The following DOCK8 variants were observed in gnomAD, a reference collection of about 807,000 sequenced individuals.
DOCK8 encodes dedicator of cytokinesis protein 8.
A neutral mutation model predicts 245.6 loss-of-function variants in DOCK8; 141 were observed. The observed-to-expected ratio is 0.57, with a 90% confidence interval of 0.50 to 0.66. The LOEUF is 0.66. Among genes scored for constraint, DOCK8 ranks in the 30% least tolerant of loss-of-function variants. The pLI, the probability that DOCK8 is intolerant of heterozygous loss-of-function variation, is 0.00. For missense variants in DOCK8, 2,965 were observed against 2,603.4 expected, an observed-to-expected ratio of 1.14 and a Z score of -3.02; for synonymous variants, 1,168 against 970.2, an observed-to-expected ratio of 1.20 and a Z score of -3.79.
At chr9:310,022 CT>C (rs1484807667) in intron 5 of DOCK8, among the ~76,000 whole-genome samples, 1 of 152,044 alleles carries the variant, frequency 6.6e-6, no homozygotes, top group African/African-American at 2.4e-5. Context: ...AATCCCAGCA[CT>C]TTGGGAGGCC....
chr9:420,396 T>A lies in DOCK8; in HGVS notation c.3841-5T>A. ...GCCTCCATCCCCCAATCTGCCTCCC[T>A]TCAGCCCTATAAGCAGTACAACATG... On this transcript the variant is annotated splice_polypyrimidine_tract_variant and splice_region_variant and intron_variant, in intron 30 of 47. Transcript: ENST00000432829. The A allele has an allele frequency of 6.2e-7, 1 of 1,614,110 alleles. No homozygotes were observed. Among genetic ancestry groups the A allele is most frequent in the South Asian group, 1.1e-5 (1 of 91,078 alleles).
Position 418,128 on chromosome 9 carries a change from C to T in DOCK8, c.3761C>T (p.Ala1254Val), listed in dbSNP as rs1353188001. 7 of 1,614,044 alleles carry T rather than the reference C, an allele frequency of 4.3e-6. No homozygotes were observed. The highest frequency in any genetic ancestry group is 4.0e-5 in the African/African-American group (3 of 74,912). The change falls in exon 30 of 48, where the codon GCC (alanine) becomes GTC (valine). Residue 1254 changes from alanine (A) to valine (V), a missense_variant. Around this residue, in one of 3 missense-constraint regions of DOCK8, gnomAD observed 2,825 missense variants for 2,453.5 expected, o/e 1.15. Coordinates refer to ENST00000432829, the MANE Select transcript of DOCK8 (RefSeq NM_203447.4). ...GSDEEQEGAG[A>V]INQNVALAIA... is the part of the protein sequence containing the mutation. Reference sequence around the variant, plus strand: ...GATGAAGAACAAGAAGGAGCCGGTGCCATTAACCAGAATGTGGCTCTGGCC... The same window carrying T: ...GATGAAGAACAAGAAGGAGCCGGTGTCATTAACCAGAATGTGGCTCTGGCC...
At chr9:408,890 A>G (rs62531898) in intron 28 of DOCK8, among the ~76,000 whole-genome samples, 16 of 124,056 alleles carry the variant, frequency 1.3e-4, no homozygotes, top group East Asian at 2.8e-4. Flanking sequence ...ACACACACGC[A>G]CACACGCGCG....
At chr9:449,725 C>T (rs2057370977) in intron 44 of DOCK8, 59 bp from the exon 45 acceptor site, 1 of 1,610,596 alleles carries the variant, frequency 6.2e-7, no homozygotes, top group Non-Finnish European at 8.5e-7. Context: ...TAGCTCCAGG[C>T]TTGTCCATAG....
chr9:376,850 A>G, intron 19 of DOCK8, 127 bp from the exon 20 acceptor site: 1 of 840,830 alleles, frequency 1.2e-6, no homozygotes, highest in South Asian at 1.4e-5. Context: ...ATCATGTCTT[A>G]GACCTTCTGG....
chr9:362,290 A>G (rs748696990), intron 14 of DOCK8, among the ~76,000 whole-genome samples: 10 of 152,156 alleles, frequency 6.6e-5, no homozygotes, highest in Non-Finnish European at 1.2e-4. Context: ...TAACCAGGCT[A>G]TTTTCACAGA....
chr9:255,668 C>CAAA (rs71317282), intron 1 of DOCK8, among the ~76,000 whole-genome samples: 15 of 23,314 alleles, frequency 6.4e-4, no homozygotes, highest in African/African-American at 9.6e-4. Context: ...ACTCCATCTC[C>CAAA]AAAAAAAAAA....
intron 14 of DOCK8, among the ~76,000 whole-genome samples, chr9:363,746 G>C (rs1313622620): frequency 6.6e-6 from 1 of 152,090 alleles, no homozygotes; most frequent in Non-Finnish European, 1.5e-5. Context: ...GCAGTGTGGG[G>C]CAGGACACTG....
intron 46 of DOCK8, chr9:459,972 A>T (rs1216177859): frequency 6.6e-6 from 1 of 152,176 alleles, no homozygotes; most frequent in Non-Finnish European, 1.5e-5. Flanking sequence ...GTCACAAAGA[A>T]CCATCCACCT....
intron 4 of DOCK8, among the ~76,000 whole-genome samples, chr9:294,254 C>G (rs7047536): frequency 0.026 from 3,994 of 152,258 alleles, 164 homozygotes; most frequent in African/African-American, 0.09. Context: ...CTGAAACAAA[C>G]ATATCTGCAC....
intron 19 of DOCK8, among the ~76,000 whole-genome samples, chr9:376,706 C>T (rs1424459429): frequency 6.6e-6 from 1 of 152,228 alleles, no homozygotes; most frequent in Non-Finnish European, 1.5e-5. Context: ...TGGCAGTATG[C>T]TTACCTGGTA....
At chr9:460,385 C>G (rs1287466013) in intron 46 of DOCK8, 1 of 152,216 alleles carries the variant, frequency 6.6e-6, no homozygotes, top group Non-Finnish European at 1.5e-5. Flanking sequence ...TTTGGCAGGA[C>G]TCATCCCACC....
intron 27 of DOCK8, among the ~76,000 whole-genome samples, chr9:406,241 C>G (rs2055410248): frequency 1.3e-5 from 2 of 152,050 alleles, no homozygotes; most frequent in African/African-American, 4.8e-5. Flanking sequence ...CATTTGTAAT[C>G]CCAGCATCTT....
intron 6 of DOCK8, among the ~76,000 whole-genome samples, chr9:316,746 T>C (rs573860962): frequency 2.3e-4 from 35 of 152,328 alleles, no homozygotes; most frequent in African/African-American, 8.2e-4. Flanking sequence ...GATTTTGCAA[T>C]GCCATCTGGT....
At chr9:410,295 A>G (rs1334069790) in intron 28 of DOCK8, among the ~76,000 whole-genome samples, 2 of 152,156 alleles carry the variant, frequency 1.3e-5, no homozygotes, top group African/African-American at 4.8e-5. Flanking sequence ...TCTGACTCTT[A>G]TTATTAGAAA....
intron 4 of DOCK8, among the ~76,000 whole-genome samples, chr9:294,062 T>C (rs1442228776): frequency 3.3e-5 from 5 of 152,214 alleles, no homozygotes; most frequent in African/African-American, 4.8e-5. Flanking sequence ...CATAAAGATA[T>C]ATGTATTAAT....
intron 1 of DOCK8, among the ~76,000 whole-genome samples, chr9:230,377 T>G (rs1457947891): frequency 2.6e-5 from 4 of 152,146 alleles, no homozygotes; most frequent in Non-Finnish European, 5.9e-5. Context: ...GCATGTGTCT[T>G]TATAGCAGCA....
At chr9:414,712 T>G in intron 28 of DOCK8, 70 bp from the exon 29 acceptor site, 1 of 1,600,414 alleles carries the variant, frequency 6.2e-7, no homozygotes, top group Admixed American at 1.7e-5. Flanking sequence ...TCATCACTCT[T>G]GACTGTTTAA....
At chr9:216,818 C>T (rs2046766585) in intron 1 of DOCK8, among the ~76,000 whole-genome samples, 1 of 152,098 alleles carries the variant, frequency 6.6e-6, no homozygotes, top group Non-Finnish European at 1.5e-5. Context: ...GTGGCCGAGA[C>T]CCGGACTAAT....
Sources: gnomAD v4.1 joint callset for allele counts (sites outside exome capture counted in the v4.1 genomes callset) on GRCh38, gnomAD v4.1.1 for gene constraint, gnomAD v4.1.1 regional missense constraint, MANE v1.5 for transcripts, NCBI Gene and HGNC (gene_info 2026-07-23, HGNC 2026-07-21) for gene names.